Variants in PRTFDC1 observed in about 807,000 individuals in gnomAD.
The protein encoded by PRTFDC1 is phosphoribosyltransferase domain-containing protein 1.
PRTFDC1 carries 38 observed loss-of-function variants against 34.6 expected under a neutral mutation model. The ratio of observed to expected loss-of-function variants is 1.10; its 90% CI spans 0.85 to 1.44. PRTFDC1 has a LOEUF of 1.44. Ranked by LOEUF, PRTFDC1 falls within the 40% of genes most tolerant of loss-of-function variation. The pLI, the probability that PRTFDC1 is intolerant of heterozygous loss-of-function variation, is 0.00. For missense variants in PRTFDC1, 270 were observed against 283.0 expected (o/e 0.95, Z 0.33); for synonymous variants, 93 against 98.1 (o/e 0.95, Z 0.31).
chr10:24,925,410 A>T (rs1045606830), intron 3 of PRTFDC1, among the ~76,000 whole-genome samples: 6 of 152,198 alleles, frequency 3.9e-5, no homozygotes, highest in African/African-American at 1.2e-4. Context: ...AACATGGCAC[A>T]TGTATACCTA....
chr10:24,941,054 G>A (rs1485583392), intron 2 of PRTFDC1, among the ~76,000 whole-genome samples: 3 of 151,834 alleles, frequency 2.0e-5, no homozygotes, highest in African/African-American at 7.3e-5. Flanking sequence ...GTGTGTGTGT[G>A]TGTGTGTTTG....
chr10:24,929,060 G>A (rs778157546), intron 3 of PRTFDC1, among the ~76,000 whole-genome samples: 13,963 of 94,636 alleles, frequency 0.15, 2,320 homozygotes, highest in African/African-American at 0.35. Flanking sequence ...AAAAAAGAAA[G>A]AAAGAAAGAA....
At position 24,849,047 on chromosome 10, in the gene PRTFDC1, C is replaced by T. The variant is rs1208578097; in HGVS notation, c.*797G>A. ...TTTCGAGCATTGAAAGCACTCGCCC[C>T]TAATTCTGCCATTTGCTCATGTCCC... On this transcript the variant is annotated 3_prime_UTR_variant, in exon 9 of 9. Coordinates refer to ENST00000320152, the MANE Select transcript of PRTFDC1 (RefSeq NM_020200.7). 4 of 152,182 alleles carry T rather than the reference C, an allele frequency of 2.6e-5. No individual in the cohort carries two copies. The highest frequency in any genetic ancestry group is 7.2e-5 in the African/African-American group (3 of 41,458). The allele number at this position is 152,182 out of a possible 1,614,324, so 9.4% of individuals were successfully genotyped here.
intron 3 of PRTFDC1, among the ~76,000 whole-genome samples, chr10:24,877,724 G>A (rs111948188): frequency 1.3e-5 from 2 of 152,178 alleles, no homozygotes; most frequent in South Asian, 2.1e-4. Flanking sequence ...CAGTTCAAGC[G>A]ATTCTCCCAC....
intron 3 of PRTFDC1, among the ~76,000 whole-genome samples, chr10:24,891,024 T>C (rs1848251636): frequency 1.3e-5 from 2 of 152,196 alleles, no homozygotes; most frequent in African/African-American, 2.4e-5. Context: ...TTGGGAACCC[T>C]GAGAAATTCT....
intron 3 of PRTFDC1, among the ~76,000 whole-genome samples, chr10:24,880,247 CT>C (rs1330120076): frequency 6.7e-6 from 1 of 149,912 alleles, no homozygotes; most frequent in Non-Finnish European, 1.5e-5. Flanking sequence ...ATTTTTTTTT[CT>C]TTTTTTTCTT....
chr10:24,855,790 G>A (rs143896493), intron 6 of PRTFDC1, among the ~76,000 whole-genome samples: 2 of 152,042 alleles, frequency 1.3e-5, no homozygotes, highest in East Asian at 3.9e-4. Flanking sequence ...AAGAGACCCT[G>A]TCTCAAAAAG....
Position 24,904,840 on chromosome 10 carries a change from T to C in PRTFDC1, c.339+32344A>G, listed in dbSNP as rs115538608. Among the ~76,000 whole-genome samples, 661 of 152,286 alleles carry C rather than the reference T, an allele frequency of 4.3e-3. 6 individuals are homozygous for C. Among genetic ancestry groups the C allele is most frequent in the African/African-American group, 0.015 (603 of 41,558 alleles). On this transcript the variant is annotated intron_variant, in intron 3 of 8. Coordinates refer to ENST00000320152, the MANE Select transcript of PRTFDC1 (RefSeq NM_020200.7). ...ATCCTCCACCTTCAACCCCATTTCA[T>C]ATTCCCTAGTCAATCCCTTCCATAG...
chr10:24,875,846 GTTTTTTTT>G (rs61379088), intron 3 of PRTFDC1, among the ~76,000 whole-genome samples: 1 of 96,734 alleles, frequency 1.0e-5, no homozygotes, highest in East Asian at 3.0e-4. Context: ...AATTCTCATA[GTTTTTTTT>G]TTTTTTTTTT....
chr10:24,888,541 G>A (rs980629711), intron 3 of PRTFDC1, among the ~76,000 whole-genome samples: 9 of 152,158 alleles, frequency 5.9e-5, no homozygotes, highest in Admixed American at 1.3e-4. Flanking sequence ...ACCTGGCACC[G>A]AGTGTCTTAG....
intron 3 of PRTFDC1, among the ~76,000 whole-genome samples, chr10:24,920,277 G>GTA (rs143259579): frequency 0.021 from 3,137 of 151,278 alleles, 116 homozygotes; most frequent in African/African-American, 0.073. Context: ...ATATATATGT[G>GTA]TATATATATA....
chr10:24,941,672 G>A (rs1366393253), intron 2 of PRTFDC1, among the ~76,000 whole-genome samples: 1 of 152,042 alleles, frequency 6.6e-6, no homozygotes, highest in Non-Finnish European at 1.5e-5. Context: ...CCCCTACCCA[G>A]GAGTCAATCA....
chr10:24,849,810 C>A lies in PRTFDC1; in HGVS notation c.*34G>T, dbSNP rs1418561894. 1.2e-6 allele frequency: 2 copies of A among 1,607,316 alleles called. No homozygotes were observed. The highest frequency in any genetic ancestry group is 1.7e-6 in the Non-Finnish European group (2 of 1,174,102). On this transcript the variant is annotated 3_prime_UTR_variant, in exon 9 of 9. Coordinates refer to ENST00000320152, the MANE Select transcript of PRTFDC1 (RefSeq NM_020200.7). ...CCCAAGTACAGGCGTAAATATGATG[C>A]TATCTGGGACTTTAGTGGTGAGAAT... is the stretch of plus-strand genomic sequence containing the variant.
At chr10:24,896,804 G>A (rs1848373486) in intron 3 of PRTFDC1, among the ~76,000 whole-genome samples, 1 of 152,232 alleles carries the variant, frequency 6.6e-6, no homozygotes, top group South Asian at 2.1e-4. Context: ...AAGGCCGTGT[G>A]TACCTTTCGC....
intron 3 of PRTFDC1, among the ~76,000 whole-genome samples, chr10:24,909,053 G>A (rs529466287): frequency 6.6e-6 from 1 of 152,286 alleles, no homozygotes; most frequent in Non-Finnish European, 1.5e-5. Context: ...CTAGCATTTT[G>A]GGAGATTGAT....
At chr10:24,891,443 T>A (rs1245744011) in intron 3 of PRTFDC1, among the ~76,000 whole-genome samples, 3 of 152,132 alleles carry the variant, frequency 2.0e-5, no homozygotes, top group African/African-American at 4.8e-5. Context: ...GACTTCTGCT[T>A]CTTGCCTAGA....
intron 3 of PRTFDC1, among the ~76,000 whole-genome samples, chr10:24,884,800 G>A (rs879566182): frequency 2.6e-5 from 4 of 152,166 alleles, no homozygotes; most frequent in Non-Finnish European, 5.9e-5. Context: ...ATCAACCAGG[G>A]TAGGGGTCTC....
chr10:24,917,871 C>T (rs1295668656), intron 3 of PRTFDC1, among the ~76,000 whole-genome samples: 1 of 152,128 alleles, frequency 6.6e-6, no homozygotes, highest in Non-Finnish European at 1.5e-5. Context: ...GTCACATGCC[C>T]GGCTGCTAAG....
At position 24,937,184 on chromosome 10, in the gene PRTFDC1, C is replaced by T. The variant is rs545002385; in HGVS notation, c.339G>A (p.Arg113=). Residue 113 remains arginine, a splice_region_variant and synonymous_variant, in exon 3 of 9, where the codon AGG becomes AGA. Transcript: ENST00000320152. ...TAAAGCGGAACTTGTAATAACTTAC[C>T]CTGTAACTTTTTAGTCTGATGAAAT... ...KVDFIRLKSY[R]NDQSMGEMQI... is the part of the protein sequence containing the mutation. The T allele has an allele frequency of 6.2e-7, 1 of 1,607,672 alleles. No homozygotes were observed. The highest frequency in any genetic ancestry group is 1.7e-5 in the Admixed American group (1 of 59,572).
Sources: gnomAD v4.1 joint callset for allele counts (sites outside exome capture counted in the v4.1 genomes callset) on GRCh38, gnomAD v4.1.1 for gene constraint, MANE v1.5 for transcripts, NCBI Gene and HGNC (gene_info 2026-07-23, HGNC 2026-07-21) for gene names.